The following PDE12 variants were observed in gnomAD, a reference collection of about 807,000 sequenced individuals.
The protein encoded by PDE12 is 2',5'-phosphodiesterase 12.
A neutral mutation model predicts 45.4 loss-of-function variants in PDE12; 26 were observed. The observed-to-expected ratio is 0.57, with a 90% CI of 0.42 to 0.79. The LOEUF is 0.79. PDE12 is among the 30% of genes least tolerant of loss of function. The pLI, the probability that PDE12 is intolerant of heterozygous loss-of-function variation, is 0.00. For missense variants in PDE12, 668 were observed against 790.0 expected (o/e 0.85, Z 1.85); for synonymous variants, 283 against 323.9 (o/e 0.87, Z 1.36).
At chr3:57,631,923 CGTGTTAG>C in the PDE12 span, among the ~76,000 whole-genome samples, 1 of 150,052 alleles carries the variant, frequency 6.7e-6, no homozygotes, top group East Asian at 2.0e-4. Flanking sequence ...GGGGTTTCAC[CGTGTTAG>C]CCAGGATGGT....
downstream of PDE12, among the ~76,000 whole-genome samples, chr3:57,567,049 C>T (rs1173016511): frequency 6.6e-6 from 1 of 152,186 alleles, no homozygotes; most frequent in Non-Finnish European, 1.5e-5. Flanking sequence ...GTGGCTCATG[C>T]CTGTAATCCT....
At chr3:57,634,006 T>A in the PDE12 span, among the ~76,000 whole-genome samples, 1 of 152,160 alleles carries the variant, frequency 6.6e-6, no homozygotes, top group South Asian at 2.1e-4. Context: ...GCTATCATGG[T>A]AGAATCTATG....
chr3:57,653,210 A>G, the PDE12 span, among the ~76,000 whole-genome samples: 1 of 152,216 alleles, frequency 6.6e-6, no homozygotes, highest in Non-Finnish European at 1.5e-5. Context: ...ACATGAAAAC[A>G]TCTCACCAAC....
At position 57,561,243 on chromosome 3, in the gene PDE12, G is replaced by A. The variant is rs2069724751; in HGVS notation, c.*1239G>A. The A allele has an allele frequency of 1.0e-6, 1 of 985,296 alleles. No individual in the cohort carries two copies. Among genetic ancestry groups the A allele is most frequent in the South Asian group, 4.7e-5 (1 of 21,292 alleles). 61.0% of individuals were successfully genotyped at this position (985,296 alleles called of 1,614,324 possible). A position where few individuals can be genotyped will look rare whatever the true frequency, so the allele number is the denominator to read the frequency against. On this transcript the variant is annotated 3_prime_UTR_variant, in exon 3 of 3. Coordinates refer to ENST00000311180, the MANE Select transcript of PDE12 (RefSeq NM_177966.7). ...TTTATGAGAAACTACCTACTGATAT[G>A]GGCTTGAAATTTTGGATGAATCATT...
chr3:57,590,089 C>CGATAAATA, the PDE12 span, among the ~76,000 whole-genome samples: 1 of 135,164 alleles, frequency 7.4e-6, no homozygotes, highest in African/African-American at 2.7e-5. Context: ...GACTCTGTCT[C>CGATAAATA]AATAAATAAA....
chr3:57,650,161 G>A, the PDE12 span, among the ~76,000 whole-genome samples: 1 of 151,814 alleles, frequency 6.6e-6, no homozygotes. Context: ...AGGGGGTGAG[G>A]GATAAAAAGA....
the PDE12 span, among the ~76,000 whole-genome samples, chr3:57,611,376 G>A: frequency 6.6e-6 from 1 of 152,136 alleles, no homozygotes; most frequent in African/African-American, 2.4e-5. Flanking sequence ...AGCCAAAATT[G>A]ACAAATGGGA....
chr3:57,587,515 GATAGGAATTTTTTTTTACCC>G, the PDE12 span, among the ~76,000 whole-genome samples: 1 of 151,480 alleles, frequency 6.6e-6, no homozygotes, highest in Non-Finnish European at 1.5e-5. Context: ...CTCCTCTACT[GATAGGAATTTTTTTTTACCC>G]AAAAATCATG....
At chr3:57,654,806 T>C in the PDE12 span, 1 of 981,894 alleles carries the variant, frequency 1.0e-6, no homozygotes, top group Non-Finnish European at 1.2e-6. Context: ...CTCTTTACTT[T>C]GCTTTCAAGC....
At chr3:57,621,927 G>A in the PDE12 span, among the ~76,000 whole-genome samples, 2 of 152,188 alleles carry the variant, frequency 1.3e-5, no homozygotes, top group African/African-American at 4.8e-5. Context: ...TGTAATCCCA[G>A]CACTTTGGGA....
chr3:57,634,700 A>C, the PDE12 span: 9 of 1,544,104 alleles, frequency 5.8e-6, no homozygotes, highest in Admixed American at 3.8e-5. Context: ...ATAAAAGTCA[A>C]TACCAGGTTT....
the PDE12 span, among the ~76,000 whole-genome samples, chr3:57,589,518 G>A: frequency 3.3e-5 from 5 of 151,488 alleles, no homozygotes; most frequent in Admixed American, 1.3e-4. Context: ...AGCAGTTCGC[G>A]ACCAGCCTGG....
chr3:57,571,866 A>G, the PDE12 span: 2 of 195,396 alleles, frequency 1.0e-5, no homozygotes, highest in South Asian at 2.3e-4. Flanking sequence ...AGGTATCAGT[A>G]AAGTAGCAAG....
At chr3:57,616,491 G>A in the PDE12 span, among the ~76,000 whole-genome samples, 21 of 151,730 alleles carry the variant, frequency 1.4e-4, no homozygotes, top group Middle Eastern at 6.8e-3. Context: ...AAAGAAGGAG[G>A]AAGAGGAGGA....
chr3:57,597,421 G>A, the PDE12 span: 8 of 295,076 alleles, frequency 2.7e-5, no homozygotes, highest in Non-Finnish European at 4.5e-5. Flanking sequence ...CTCCAGCAGC[G>A]GCCCGGCCCC....
the PDE12 span, among the ~76,000 whole-genome samples, chr3:57,599,413 T>C: frequency 1.3e-5 from 2 of 152,204 alleles, no homozygotes; most frequent in Admixed American, 6.6e-5. Context: ...CTTTCACACT[T>C]TAGGCCTTAT....
At chr3:57,559,054 A>C (rs943606748) in intron 1 of PDE12, among the ~76,000 whole-genome samples, 1 of 151,570 alleles carries the variant, frequency 6.6e-6, no homozygotes. Flanking sequence ...CCCCGTCTCT[A>C]CTACAAATAC....
chr3:57,560,537 G>A lies in PDE12; in HGVS notation c.*533G>A. 2 of 561,708 alleles carry A rather than the reference G, an allele frequency of 3.6e-6. No homozygotes were observed. Among genetic ancestry groups the A allele is most frequent in the Non-Finnish European group, 4.5e-6 (2 of 443,112 alleles). 34.8% of individuals were successfully genotyped at this position (561,708 alleles called of 1,614,324 possible). On this transcript the variant is annotated 3_prime_UTR_variant, in exon 3 of 3. Transcript: ENST00000311180. ...AATGGGGTTTCGCCACGTTGGCCAG[G>A]CTGGTCTTGAACTCCTGACCTCAGG... is the stretch of plus-strand genomic sequence containing the variant.
the PDE12 span, among the ~76,000 whole-genome samples, chr3:57,604,622 G>C: frequency 1.2e-4 from 10 of 85,688 alleles, no homozygotes; most frequent in Admixed American, 4.4e-4. Flanking sequence ...TTTTTTGGGG[G>C]GGGTGGGTGG....
Sources: allele counts gnomAD v4.1 joint callset (sites outside exome capture counted in the v4.1 genomes callset), GRCh38; gene constraint gnomAD v4.1.1; transcripts MANE v1.5; gene names NCBI Gene and HGNC (gene_info 2026-07-23, HGNC 2026-07-21).